CNTNAP2: variants seen among roughly 807,000 people sequenced by gnomAD.
CNTNAP2 encodes the protein contactin associated protein 2.
In CNTNAP2, 98 loss-of-function variants were observed where a neutral mutation model predicts 155.2. The observed-to-expected ratio is 0.63, with a 90% CI of 0.54 to 0.75. The LOEUF is 0.75. Among genes scored for constraint, CNTNAP2 ranks in the 30% least tolerant of loss-of-function variants. The pLI, the probability that CNTNAP2 is intolerant of heterozygous loss-of-function variation, is 0.00. For missense variants in CNTNAP2, 1,727 were observed against 1,688.1 expected (o/e 1.02, Z -0.40); for synonymous variants, 651 against 631.2 (o/e 1.03, Z -0.47).
intron 1 of CNTNAP2, among the ~76,000 whole-genome samples, chr7:146,437,236 C>G (rs1796257221): frequency 6.6e-6 from 1 of 151,420 alleles, no homozygotes; most frequent in South Asian, 2.1e-4. Flanking sequence ...ACCATCTACC[C>G]CAACCTCACC....
At chr7:146,570,362 A>G (rs573522804) in intron 1 of CNTNAP2, among the ~76,000 whole-genome samples, 6 of 152,166 alleles carry the variant, frequency 3.9e-5, no homozygotes, top group Admixed American at 2.0e-4. Context: ...TGGTCCCACT[A>G]TTCTAAATTT....
At chr7:147,285,061 CAG>C (rs996898442) in intron 8 of CNTNAP2, among the ~76,000 whole-genome samples, 8 of 151,700 alleles carry the variant, frequency 5.3e-5, no homozygotes, top group African/African-American at 1.7e-4. Context: ...TGTATAAAAA[CAG>C]AGTTTTATAA....
At chr7:148,311,375 C>T (rs183278878) in intron 21 of CNTNAP2, among the ~76,000 whole-genome samples, 102 of 141,628 alleles carry the variant, frequency 7.2e-4, no homozygotes, top group African/African-American at 2.6e-3. Flanking sequence ...GGATTAGAAA[C>T]GGCTAGGAGA....
chr7:147,240,833 A>T (rs1803920937), intron 8 of CNTNAP2, among the ~76,000 whole-genome samples: 1 of 152,230 alleles, frequency 6.6e-6, no homozygotes, highest in Non-Finnish European at 1.5e-5. Context: ...GTCGAAGGGC[A>T]TTATTTCTAC....
At chr7:146,539,720 G>A (rs958449605) in intron 1 of CNTNAP2, among the ~76,000 whole-genome samples, 7 of 151,938 alleles carry the variant, frequency 4.6e-5, no homozygotes, top group Non-Finnish European at 8.8e-5. Context: ...GTTTAAAAGG[G>A]ACACTCTTTT....
chr7:146,982,022 T>G (rs997706491), intron 3 of CNTNAP2, among the ~76,000 whole-genome samples: 3 of 152,184 alleles, frequency 2.0e-5, no homozygotes, highest in African/African-American at 7.2e-5. Flanking sequence ...GTTTATTAAT[T>G]GACACTGGAC....
At chr7:148,216,632 G>A (rs1327421838) in intron 18 of CNTNAP2, among the ~76,000 whole-genome samples, 4 of 152,020 alleles carry the variant, frequency 2.6e-5, no homozygotes, top group East Asian at 1.9e-4. Flanking sequence ...TTTTTTCAGG[G>A]TATGTGAATT....
At chr7:148,301,370 A>C (rs1346020154) in intron 21 of CNTNAP2, among the ~76,000 whole-genome samples, 3 of 148,984 alleles carry the variant, frequency 2.0e-5, no homozygotes, top group Non-Finnish European at 4.5e-5. Flanking sequence ...TGCATAAAAA[A>C]AAAAAAGACT....
At chr7:148,026,437 C>T (rs1392613505) in intron 15 of CNTNAP2, among the ~76,000 whole-genome samples, 3 of 152,042 alleles carry the variant, frequency 2.0e-5, no homozygotes, top group Non-Finnish European at 4.4e-5. Context: ...GGTGACAGAA[C>T]AAGACCCCGT....
chr7:147,921,364 T>C (rs1300122207), intron 14 of CNTNAP2, among the ~76,000 whole-genome samples: 2 of 152,330 alleles, frequency 1.3e-5, no homozygotes, highest in South Asian at 2.1e-4. Flanking sequence ...TGGGGTTTTA[T>C]AGCTAGGACA....
intron 1 of CNTNAP2, among the ~76,000 whole-genome samples, chr7:146,349,539 G>A (rs1436759315): frequency 6.6e-6 from 1 of 152,166 alleles, no homozygotes. Context: ...TTGCTCGTTA[G>A]TTGACGCAGT....
chr7:147,077,796 A>T (rs2129267363), intron 4 of CNTNAP2, among the ~76,000 whole-genome samples: 1 of 152,262 alleles, frequency 6.6e-6, no homozygotes, highest in Non-Finnish European at 1.5e-5. Context: ...GATTATGAGG[A>T]TTGCATCAGG....
intron 4 of CNTNAP2, among the ~76,000 whole-genome samples, chr7:147,083,952 A>ACACATGTATGTATATAT (rs1800208477): frequency 2.1e-5 from 2 of 94,854 alleles, no homozygotes; most frequent in Non-Finnish European, 4.7e-5. Context: ...ATATAGCATT[A>ACACATGTATGTATATAT]TATATAGCAT....
chr7:146,733,464 A>G (rs887448891), intron 1 of CNTNAP2, among the ~76,000 whole-genome samples: 12 of 152,132 alleles, frequency 7.9e-5, no homozygotes, highest in Admixed American at 5.9e-4. Context: ...ATTCATTTTA[A>G]AATTTAAATT....
intron 8 of CNTNAP2, among the ~76,000 whole-genome samples, chr7:147,263,197 G>C (rs995065384): frequency 8.6e-5 from 13 of 151,844 alleles, no homozygotes; most frequent in Admixed American, 6.6e-5. Context: ...AAGTGCAAAA[G>C]GTTAGCCAGG....
intron 12 of CNTNAP2, among the ~76,000 whole-genome samples, chr7:147,593,977 C>G (rs1430456846): frequency 6.6e-6 from 1 of 152,142 alleles, no homozygotes; most frequent in African/African-American, 2.4e-5. Context: ...TAGGCAGGCA[C>G]TGTTCTAATA....
intron 21 of CNTNAP2, among the ~76,000 whole-genome samples, chr7:148,284,664 C>T (rs1797050102): frequency 6.6e-6 from 1 of 151,624 alleles, no homozygotes; most frequent in Non-Finnish European, 1.5e-5. Context: ...GGCTGTCACT[C>T]AACACCACTG....
chr7:148,236,262 G>A (rs1298308010), intron 20 of CNTNAP2, among the ~76,000 whole-genome samples: 2 of 152,110 alleles, frequency 1.3e-5, no homozygotes, highest in South Asian at 4.1e-4. Flanking sequence ...CTACTTTGGG[G>A]CCAGTGGACA....
At chr7:146,623,485 T>C (rs1799368241) in intron 1 of CNTNAP2, among the ~76,000 whole-genome samples, 1 of 152,198 alleles carries the variant, frequency 6.6e-6, no homozygotes, top group African/African-American at 2.4e-5. Flanking sequence ...TGTAGTTTTG[T>C]CTGTTCCAGA....
Sources: allele counts gnomAD v4.1 joint callset (sites outside exome capture counted in the v4.1 genomes callset), GRCh38; gene constraint gnomAD v4.1.1; transcripts MANE v1.5; gene names NCBI Gene and HGNC (gene_info 2026-07-23, HGNC 2026-07-21).